The following GSG1L variants were observed in gnomAD, a reference collection of about 807,000 sequenced individuals.
The protein encoded by GSG1L is germ cell-specific gene 1-like protein.
Under a neutral mutation model 42.1 loss-of-function variants are expected in GSG1L, and 24 were observed. The observed-to-expected ratio is 0.57, with a 90% CI of 0.41 to 0.80. The LOEUF (loss-of-function observed/expected upper bound fraction) is 0.80, where lower values mean the gene tolerates loss of function less well. Ranked by LOEUF, GSG1L falls within the 30% of genes least tolerant of loss-of-function variation. GSG1L has a pLI of 0.00. For synonymous variants in GSG1L, 215 were observed against 203.5 expected, an observed-to-expected ratio of 1.06 and a Z score of -0.48; for missense variants, 445 against 472.2, an observed-to-expected ratio of 0.94 and a Z score of 0.53.
In GSG1L at chr16:27,788,359, C is replaced by G. The variant is rs760530366; in HGVS notation, c.*3011G>C. On this transcript the variant is annotated 3_prime_UTR_variant, in exon 7 of 7. Transcript: ENST00000447459. ...CACAACTATTCTGTGCCCATAGTTG[C>G]GGTGATCTTCCTCAAATGTACACCC... 2.6e-5 allele frequency: 4 copies of G among 152,172 alleles called. No individual in the cohort carries two copies. Among genetic ancestry groups the G allele is most frequent in the Admixed American group, 1.3e-4 (2 of 15,280 alleles). The allele number at this position is 152,172 out of a possible 1,614,324, so 9.4% of individuals were successfully genotyped here. A position where few individuals can be genotyped will look rare whatever the true frequency, so the allele number is the denominator to read the frequency against.
At chr16:27,878,736 CT>C (rs1256274236) in intron 3 of GSG1L, among the ~76,000 whole-genome samples, 13 of 152,318 alleles carry the variant, frequency 8.5e-5, no homozygotes, top group African/African-American at 3.1e-4. Flanking sequence ...CACACCCAAC[CT>C]GTTAAAGAAA....
intron 1 of GSG1L, among the ~76,000 whole-genome samples, chr16:28,004,003 C>T (rs1313235485): frequency 6.6e-6 from 1 of 152,240 alleles, no homozygotes; most frequent in Non-Finnish European, 1.5e-5. Flanking sequence ...GGCACAGCTG[C>T]TGGTGCCCAC....
chr16:27,817,199 C>G (rs1029207463), intron 5 of GSG1L, among the ~76,000 whole-genome samples: 1 of 152,182 alleles, frequency 6.6e-6, no homozygotes, highest in African/African-American at 2.4e-5. Flanking sequence ...TAGCCAGGGG[C>G]GTTATCAGGG....
chr16:27,831,616 G>A (rs1403905301), intron 4 of GSG1L, among the ~76,000 whole-genome samples: 1 of 152,128 alleles, frequency 6.6e-6, no homozygotes, highest in Non-Finnish European at 1.5e-5. Context: ...AGTGTGTGGA[G>A]GGAACTTCCC....
intron 3 of GSG1L, among the ~76,000 whole-genome samples, chr16:27,869,126 T>C (rs973183755): frequency 1.4e-5 from 2 of 147,272 alleles, no homozygotes; most frequent in African/African-American, 5.4e-5. Flanking sequence ...GTCTCCTGCA[T>C]TGATGGGGCT....
At chr16:27,850,603 A>G (rs1426990933) in intron 3 of GSG1L, 1 of 455,782 alleles carries the variant, frequency 2.2e-6, no homozygotes, top group South Asian at 1.6e-5. Context: ...GGCTGAGGGA[A>G]AACCAGCGTG....
At chr16:27,853,438 C>A (rs10438534) in intron 3 of GSG1L, among the ~76,000 whole-genome samples, 18,997 of 152,126 alleles carry the variant, frequency 0.12, 1,379 homozygotes, top group African/African-American at 0.21. Flanking sequence ...AAATCTTTCC[C>A]GCTCCAATTT....
chr16:27,929,156 C>T (rs918534), intron 2 of GSG1L, among the ~76,000 whole-genome samples: 3,441 of 152,286 alleles, frequency 0.023, 131 homozygotes, highest in African/African-American at 0.079. Context: ...AATCACTGCG[C>T]TAGAAGGTAA....
At chr16:28,019,084 C>A (rs2085810206) in intron 1 of GSG1L, among the ~76,000 whole-genome samples, 1 of 152,152 alleles carries the variant, frequency 6.6e-6, no homozygotes, top group African/African-American at 2.4e-5. Flanking sequence ...TGAACCACAG[C>A]AACTTCATCT....
intron 2 of GSG1L, among the ~76,000 whole-genome samples, chr16:27,897,009 G>A (rs552367582): frequency 4.6e-5 from 7 of 152,174 alleles, no homozygotes; most frequent in African/African-American, 9.6e-5. Context: ...GATTACAGGC[G>A]TACACCATCA....
intron 3 of GSG1L, among the ~76,000 whole-genome samples, chr16:27,860,217 C>T (rs2083629477): frequency 6.6e-6 from 1 of 152,238 alleles, no homozygotes; most frequent in Non-Finnish European, 1.5e-5. Flanking sequence ...CCAGTCTGCA[C>T]CTGCCTGCCC....
intron 2 of GSG1L, among the ~76,000 whole-genome samples, chr16:27,927,891 T>TG (rs1170420569): frequency 5.9e-5 from 9 of 151,926 alleles, no homozygotes; most frequent in Admixed American, 5.9e-4. Flanking sequence ...GCGTGTGGGG[T>TG]GGGGAGTGGC....
At chr16:27,988,922 G>A (rs1300381741) in intron 1 of GSG1L, among the ~76,000 whole-genome samples, 2 of 151,710 alleles carry the variant, frequency 1.3e-5, no homozygotes, top group South Asian at 2.1e-4. Context: ...CCATGGTGGT[G>A]CATGCCTGTA....
chr16:28,039,038 C>T (rs1355519570), intron 1 of GSG1L, among the ~76,000 whole-genome samples: 1 of 152,144 alleles, frequency 6.6e-6, no homozygotes, highest in East Asian at 1.9e-4. Flanking sequence ...GGTGTGGGGG[C>T]TGCAGAGATC....
In GSG1L at chr16:27,791,285, T is replaced by A. The variant is rs1404288227; in HGVS notation, c.*85A>T. ...TGAGTTCACGGCACACAGGCCAGGG[T>A]TCTGGGGGCACCACTCTGGTGGTCT... On this transcript the variant is annotated 3_prime_UTR_variant, in exon 7 of 7. Coordinates refer to ENST00000447459, the MANE Select transcript of GSG1L (RefSeq NM_001109763.2). 2 of 898,372 alleles carry A rather than the reference T, an allele frequency of 2.2e-6. No homozygotes were observed. Among genetic ancestry groups the A allele is most frequent in the Non-Finnish European group, 3.2e-6 (2 of 628,054 alleles). The allele number at this position is 898,372 out of a possible 1,614,324, so 55.7% of individuals were successfully genotyped here. A position where few individuals can be genotyped will look rare whatever the true frequency, so the allele number is the denominator to read the frequency against.
chr16:28,029,553 ATGGATGGATGCATGGG>A (rs1164473449), intron 1 of GSG1L, among the ~76,000 whole-genome samples: 193 of 151,638 alleles, frequency 1.3e-3, no homozygotes, highest in African/African-American at 4.1e-3. Context: ...GGATGGATGG[ATGGATGGATGCATGGG>A]TGGATGGATG....
intron 1 of GSG1L, among the ~76,000 whole-genome samples, chr16:27,996,283 A>G (rs957876301): frequency 2.0e-5 from 3 of 151,938 alleles, no homozygotes; most frequent in Non-Finnish European, 4.4e-5. Flanking sequence ...GCCCTCAAAC[A>G]CTTCTGGAAA....
intron 2 of GSG1L, among the ~76,000 whole-genome samples, chr16:27,936,384 C>T (rs1567525544): frequency 6.6e-6 from 1 of 152,048 alleles, no homozygotes. Context: ...TTGTGTGGGA[C>T]GAGGGTGGAA....
At chr16:27,872,639 C>T (rs557895333) in intron 3 of GSG1L, among the ~76,000 whole-genome samples, 54 of 152,068 alleles carry the variant, frequency 3.6e-4, no homozygotes, top group Non-Finnish European at 5.6e-4. Flanking sequence ...AAACAGGTTG[C>T]GGTAAAGAAG....
Sources: gnomAD v4.1 joint callset for allele counts (sites outside exome capture counted in the v4.1 genomes callset) on GRCh38, gnomAD v4.1.1 for gene constraint, MANE v1.5 for transcripts, NCBI Gene and HGNC (gene_info 2026-07-23, HGNC 2026-07-21) for gene names.